GCSAML: variants seen among roughly 807,000 people sequenced by gnomAD.
GCSAML encodes the protein germinal center associated signaling and motility like.
In GCSAML, 9 loss-of-function variants were observed where a neutral mutation model predicts 13.0. That is an observed-to-expected ratio of 0.69 (90% CI 0.42 to 1.21). GCSAML has a LOEUF of 1.21. Ranked by LOEUF, GCSAML falls within the 50% of genes most tolerant of loss-of-function variation. The pLI, the probability that GCSAML is intolerant of heterozygous loss-of-function variation, is 0.00. For missense variants in GCSAML, 143 were observed against 153.4 expected (o/e 0.93, Z 0.36); for synonymous variants, 37 against 52.9 (o/e 0.70, Z 1.31).
chr1:247,531,537 G>A (rs761391488), intron 2 of GCSAML: 1 of 1,610,954 alleles, frequency 6.2e-7, no homozygotes, highest in South Asian at 1.1e-5. Context: ...TTCTCAGAAG[G>A]CACTGGAGTC....
intron 4 of GCSAML, among the ~76,000 whole-genome samples, chr1:247,567,707 TG>T (rs1668441231): frequency 6.6e-6 from 1 of 152,220 alleles, no homozygotes; most frequent in Non-Finnish European, 1.5e-5. Context: ...ATGGGATTGC[TG>T]GGTCAAGTGG....
intron 2 of GCSAML, among the ~76,000 whole-genome samples, chr1:247,557,267 C>T (rs1667988257): frequency 6.6e-6 from 1 of 152,118 alleles, no homozygotes; most frequent in East Asian, 1.9e-4. Context: ...AGTCCACTTC[C>T]TTCATAGACC....
At chr1:247,538,200 T>C (rs1667287914) in intron 2 of GCSAML, among the ~76,000 whole-genome samples, 1 of 152,208 alleles carries the variant, frequency 6.6e-6, no homozygotes, top group African/African-American at 2.4e-5. Context: ...CTTCATTCTT[T>C]AGCAGGTGTC....
chr1:247,551,202 G>A (rs1246006767), intron 1 of GCSAML, among the ~76,000 whole-genome samples: 1 of 152,182 alleles, frequency 6.6e-6, no homozygotes, highest in African/African-American at 2.4e-5. Context: ...ATTCTGGTTT[G>A]GGATAGCAGG....
In GCSAML at chr1:247,574,317, A is replaced by G. The variant is rs763516340; in HGVS notation, c.343A>G (p.Thr115Ala). 1 of 1,613,792 alleles carries G rather than the reference A, an allele frequency of 6.2e-7. No individual in the cohort carries two copies. The highest frequency in any genetic ancestry group is 1.7e-5 in the Admixed American group (1 of 60,008). Residue 115 changes from threonine (T) to alanine (A), a missense_variant, in exon 5 of 5, where the codon ACT (threonine) becomes GCT (alanine). By Grantham distance (58) the Thr-to-Ala change is moderately conservative. Coordinates refer to ENST00000366488, the MANE Select transcript of GCSAML (RefSeq NM_145278.5). The stretch of plus-strand genomic sequence containing the variant: ...AGAGACAGAATATGCCCTTCTTAGG[A>G]CTTCTGTTAGTAGGCCTTGTTCCTG... ...RSETEYALLR[T>A]SVSRPCSCTH...
At chr1:247,563,415 A>G (rs1191253994) in intron 2 of GCSAML, among the ~76,000 whole-genome samples, 175 bp from the exon 3 acceptor site, 1 of 151,816 alleles carries the variant, frequency 6.6e-6, no homozygotes, top group Non-Finnish European at 1.5e-5. Flanking sequence ...CATTGTCTAG[A>G]TTTTTGTGGT....
intron 1 of GCSAML, chr1:247,518,554 C>T (rs1666302083): frequency 6.6e-6 from 1 of 152,496 alleles, no homozygotes; most frequent in Non-Finnish European, 1.5e-5. Context: ...AGAAAGGCGC[C>T]CTGGGGAAGG....
chr1:247,572,256 GTGATCTTTTGGAGGAGAAGAGGCA>G, intron 4 of GCSAML, among the ~76,000 whole-genome samples: 1 of 152,280 alleles, frequency 6.6e-6, no homozygotes, highest in South Asian at 2.1e-4. Flanking sequence ...GCGAGGAGTT[GTGATCTTTTGGAGGAGAAGAGGCA>G]TTCTGGTATT....
At chr1:247,530,532 A>C (rs1666889263) in intron 2 of GCSAML, 1 of 137,250 alleles carries the variant, frequency 7.3e-6, no homozygotes, top group African/African-American at 2.6e-5. Context: ...CCCCCACAAA[A>C]TAACATTTCC....
chr1:247,513,139 A>T (rs1379599082), intron 1 of GCSAML, among the ~76,000 whole-genome samples: 1 of 152,168 alleles, frequency 6.6e-6, no homozygotes. Flanking sequence ...GCTCTGTCCC[A>T]GGGAGAAGGG....
chr1:247,541,351 C>A (rs1667404831), intron 2 of GCSAML, among the ~76,000 whole-genome samples: 1 of 152,132 alleles, frequency 6.6e-6, no homozygotes, highest in Non-Finnish European at 1.5e-5. Flanking sequence ...GTTTGGCCTC[C>A]CATGTCATAT....
intron 3 of GCSAML, chr1:247,565,527 A>G (rs532710365): frequency 1.8e-4 from 29 of 165,230 alleles, no homozygotes; most frequent in African/African-American, 5.7e-4. Flanking sequence ...AAAGAATTGT[A>G]TGATTTTCCT....
chr1:247,518,170 C>G (rs959304916), intron 1 of GCSAML, among the ~76,000 whole-genome samples: 1 of 152,348 alleles, frequency 6.6e-6, no homozygotes, highest in East Asian at 1.9e-4. Flanking sequence ...GGCTCCTGGT[C>G]TGGCCTGGCC....
At chr1:247,508,636 TG>T (rs1353549346) in intron 1 of GCSAML, among the ~76,000 whole-genome samples, 1 of 152,242 alleles carries the variant, frequency 6.6e-6, no homozygotes, top group Non-Finnish European at 1.5e-5. Flanking sequence ...AAGGTTTTTA[TG>T]GTTTTAGGTC....
chr1:247,569,003 C>T (rs139264792), intron 4 of GCSAML, among the ~76,000 whole-genome samples: 3,326 of 151,748 alleles, frequency 0.022, 52 homozygotes, highest in Non-Finnish European at 0.036. Context: ...ATTTGGCTCT[C>T]TTTGTCTGTT....
At chr1:247,573,366 G>A (rs1186182633) in intron 4 of GCSAML, among the ~76,000 whole-genome samples, 1 of 152,200 alleles carries the variant, frequency 6.6e-6, no homozygotes, top group African/African-American at 2.4e-5. Flanking sequence ...AAGACCGTGG[G>A]AAAAGTGTAG....
intron 4 of GCSAML, among the ~76,000 whole-genome samples, chr1:247,573,522 C>G (rs1372046900): frequency 6.6e-6 from 1 of 152,162 alleles, no homozygotes; most frequent in African/African-American, 2.4e-5. Context: ...GCTACACTCA[C>G]TGTCTAACCA....
At chr1:247,521,662 G>A (rs984202520) in intron 1 of GCSAML, among the ~76,000 whole-genome samples, 1 of 152,200 alleles carries the variant, frequency 6.6e-6, no homozygotes, top group South Asian at 2.1e-4. Flanking sequence ...GATTGCAGAC[G>A]GAGTCTCGTT....
chr1:247,530,806 G>GTGGCCTAAACGGGCAGCCGAGCCCGCC (rs1666908401), intron 2 of GCSAML: 1 of 5,812 alleles, frequency 1.7e-4, no homozygotes, highest in East Asian at 0.029. Context: ...CCTGCCGGCC[G>GTGGCCTAAACGGGCAGCCGAGCCCGCC]CCTCTGGACC....
Sources: allele counts gnomAD v4.1 joint callset (sites outside exome capture counted in the v4.1 genomes callset), GRCh38; gene constraint gnomAD v4.1.1; transcripts MANE v1.5; gene names NCBI Gene and HGNC (gene_info 2026-07-23, HGNC 2026-07-21).